Variants in BRINP1 observed in about 807,000 individuals in gnomAD.
The protein encoded by BRINP1 is BMP/retinoic acid inducible neural specific 1, also known as BMP/retinoic acid-inducible neural-specific protein 1.
A neutral mutation model predicts 72.9 loss-of-function variants in BRINP1; 17 were observed. The ratio of observed to expected loss-of-function variants is 0.23; its 90% CI spans 0.16 to 0.35. BRINP1 has a LOEUF of 0.35. Among genes scored for constraint, BRINP1 ranks in the 10% least tolerant of loss-of-function variants. The pLI, the probability that BRINP1 is intolerant of heterozygous loss-of-function variation, is 1.00. For missense variants in BRINP1, 850 were observed against 1,001.6 expected, an observed-to-expected ratio of 0.85 and a Z score of 2.04; for synonymous variants, 418 against 378.5, an observed-to-expected ratio of 1.10 and a Z score of -1.21.
chr9:119,179,673 G>A (rs1309101705), intron 7 of BRINP1, among the ~76,000 whole-genome samples: 6 of 152,120 alleles, frequency 3.9e-5, no homozygotes, highest in Non-Finnish European at 7.3e-5. Flanking sequence ...ACCGATGAGG[G>A]CATTGAAGGC....
chr9:119,290,010 T>C (rs1830806304), intron 2 of BRINP1, among the ~76,000 whole-genome samples: 1 of 152,126 alleles, frequency 6.6e-6, no homozygotes, highest in South Asian at 2.1e-4. Flanking sequence ...AATAATTAAA[T>C]CAGGAACTGG....
intron 7 of BRINP1, among the ~76,000 whole-genome samples, chr9:119,197,717 A>G (rs896112810): frequency 3.9e-5 from 6 of 151,996 alleles, no homozygotes; most frequent in Non-Finnish European, 7.4e-5. Flanking sequence ...CCACGTTTCT[A>G]TTTCCACCAA....
chr9:119,243,321 G>T (rs919030501), intron 3 of BRINP1, among the ~76,000 whole-genome samples: 2 of 152,040 alleles, frequency 1.3e-5, no homozygotes, highest in African/African-American at 4.8e-5. Flanking sequence ...CTCTGTTCCT[G>T]CCTTAGTTTG....
chr9:119,315,912 T>C (rs1416105389), intron 1 of BRINP1, among the ~76,000 whole-genome samples: 1 of 152,182 alleles, frequency 6.6e-6, no homozygotes, highest in Non-Finnish European at 1.5e-5. Context: ...ATGAGAATGC[T>C]GCAGAAGAAA....
intron 5 of BRINP1, among the ~76,000 whole-genome samples, chr9:119,230,850 G>C (rs971116127): frequency 1.2e-4 from 19 of 152,112 alleles, no homozygotes; most frequent in Non-Finnish European, 2.2e-4. Flanking sequence ...GATTCAGGCA[G>C]AGGGCAGACG....
At chr9:119,201,728 T>C (rs1178438215) in intron 7 of BRINP1, among the ~76,000 whole-genome samples, 1 of 152,198 alleles carries the variant, frequency 6.6e-6, no homozygotes, top group Non-Finnish European at 1.5e-5. Context: ...TAATGATGGT[T>C]GGAGGACCAA....
At position 119,252,574 on chromosome 9, in the gene BRINP1, A is replaced by T. The variant is rs147435989; in HGVS notation, c.219-3424T>A. Reference sequence around the variant, plus strand: ...CATACGTGTGTGTGTGTGTGTGTGTATCACTTTTATTCATAACTTACTGTC... The same window carrying T: ...CATACGTGTGTGTGTGTGTGTGTGTTTCACTTTTATTCATAACTTACTGTC... On this transcript the variant is annotated intron_variant, in intron 2 of 7. Transcript: ENST00000265922. Among the ~76,000 whole-genome samples the T allele has an allele frequency of 3.5e-3, 535 of 150,774 alleles. 3 individuals are homozygous for T. Among genetic ancestry groups the T allele is most frequent in the African/African-American group, 0.012 (498 of 41,154 alleles).
At chr9:119,175,135 CAAA>C (rs112641044) in intron 7 of BRINP1, among the ~76,000 whole-genome samples, 1 of 106,710 alleles carries the variant, frequency 9.4e-6, no homozygotes, top group African/African-American at 3.6e-5. Flanking sequence ...AAAAAAAAGA[CAAA>C]AAAAAAAAGA....
chr9:119,245,951 C>T (rs1272727675), intron 3 of BRINP1, among the ~76,000 whole-genome samples: 1 of 152,060 alleles, frequency 6.6e-6, no homozygotes, highest in Non-Finnish European at 1.5e-5. Context: ...CAGAATTGGG[C>T]CTTAATCTGG....
intron 2 of BRINP1, among the ~76,000 whole-genome samples, chr9:119,300,831 C>T (rs1283775095): frequency 7.2e-5 from 11 of 152,160 alleles, no homozygotes; most frequent in Admixed American, 6.5e-4. Context: ...TGTGCTATAT[C>T]AGAAACTACA....
At chr9:119,276,011 CT>C (rs1304070790) in intron 2 of BRINP1, among the ~76,000 whole-genome samples, 1 of 152,072 alleles carries the variant, frequency 6.6e-6, no homozygotes, top group African/African-American at 2.4e-5. Context: ...TTCACTTTCC[CT>C]TTTTTCCTTG....
At chr9:119,330,690 T>C (rs927098467) in intron 1 of BRINP1, among the ~76,000 whole-genome samples, 3 of 152,162 alleles carry the variant, frequency 2.0e-5, no homozygotes, top group African/African-American at 4.8e-5. Flanking sequence ...ATAAATGTGA[T>C]TGACCTTTCA....
intron 5 of BRINP1, among the ~76,000 whole-genome samples, chr9:119,234,188 C>T (rs989094): frequency 0.71 from 107,446 of 152,012 alleles, 38,201 homozygotes; most frequent in Middle Eastern, 0.81. Context: ...CTTTTGTAGA[C>T]ACTGCCAAGA....
At chr9:119,200,412 A>G (rs1588162156) in intron 7 of BRINP1, among the ~76,000 whole-genome samples, 1 of 152,162 alleles carries the variant, frequency 6.6e-6, no homozygotes, top group East Asian at 1.9e-4. Context: ...ACTTGAGTCC[A>G]GAAGTTTGAG....
At chr9:119,293,744 T>C (rs1830843997) in intron 2 of BRINP1, among the ~76,000 whole-genome samples, 1 of 151,088 alleles carries the variant, frequency 6.6e-6, no homozygotes, top group Non-Finnish European at 1.5e-5. Flanking sequence ...GGTAGAAGAG[T>C]GAGAAGAGAA....
rs1292893447 is a variant in BRINP1 at position 119,166,838 on chromosome 9, CAATGCTCCACA to C, written c.*235_*245del. Reference sequence around the variant, plus strand: ...CCTGAGGCCTAAGAAGCAACTCCCTCAATGCTCCACAAAAGGCTGAGACCCTTCTTCATGAC... The same window carrying C: ...CCTGAGGCCTAAGAAGCAACTCCCTCAAAGGCTGAGACCCTTCTTCATGAC... On this transcript the variant is annotated 3_prime_UTR_variant, in exon 8 of 8. Coordinates refer to ENST00000265922, the MANE Select transcript of BRINP1 (RefSeq NM_014618.3). The C allele has an allele frequency of 1.1e-5, 5 of 445,246 alleles. No individual in the cohort carries two copies. The highest frequency in any genetic ancestry group is 1.0e-4 in the African/African-American group (5 of 50,124). 27.6% of individuals were successfully genotyped at this position (445,246 alleles called of 1,614,324 possible). A position where few individuals can be genotyped will look rare whatever the true frequency, so the allele number is the denominator to read the frequency against.
At chr9:119,232,501 A>G (rs1830157681) in intron 5 of BRINP1, among the ~76,000 whole-genome samples, 1 of 152,126 alleles carries the variant, frequency 6.6e-6, no homozygotes, top group African/African-American at 2.4e-5. Flanking sequence ...AAGTTTCTAC[A>G]TGACCTGCTC....
intron 2 of BRINP1, among the ~76,000 whole-genome samples, chr9:119,258,616 C>T (rs1167506603): frequency 6.6e-6 from 1 of 152,092 alleles, no homozygotes; most frequent in Non-Finnish European, 1.5e-5. Flanking sequence ...AAACTGAGGC[C>T]CATAGAGAGA....
At chr9:119,235,469 A>G (rs1350880546) in intron 5 of BRINP1, among the ~76,000 whole-genome samples, 1 of 151,582 alleles carries the variant, frequency 6.6e-6, no homozygotes, top group African/African-American at 2.4e-5. Context: ...TTGGCAGAAA[A>G]CTTTCCTGAC....
Sources: gnomAD v4.1 joint callset for allele counts (sites outside exome capture counted in the v4.1 genomes callset) on GRCh38, gnomAD v4.1.1 for gene constraint, MANE v1.5 for transcripts, NCBI Gene and HGNC (gene_info 2026-07-23, HGNC 2026-07-21) for gene names.